Variants in DCAF8L2 observed in about 807,000 individuals in gnomAD.
DCAF8L2 encodes DDB1 and CUL4 associated factor 8 like 2, also known as DDB1- and CUL4-associated factor 8-like protein 2.
For synonymous variants in DCAF8L2, 200 were observed against 190.9 expected, an observed-to-expected ratio of 1.05 and a Z score of -0.39; for missense variants, 430 against 490.7, an observed-to-expected ratio of 0.88 and a Z score of 1.17.
intron 3 of DCAF8L2, among the ~76,000 whole-genome samples, chrX:27,686,427 G>T (rs1313808043): frequency 9.0e-6 from 1 of 110,751 alleles, no homozygotes. Flanking sequence ...CCTTTCATTT[G>T]CAGCAACATG....
At chrX:27,587,985 A>ATATAT (rs1555915915), upstream of DCAF8L2, among the ~76,000 whole-genome samples, 7 of 22,360 alleles carry the variant, frequency 3.1e-4, no homozygotes, top group African/African-American at 3.9e-4. Flanking sequence ...TAAAAAAAAA[A>ATATAT]ATATATATAT....
At chrX:27,481,277 C>G in the DCAF8L2 span, among the ~76,000 whole-genome samples, 2 of 110,618 alleles carry the variant, frequency 1.8e-5, no homozygotes, top group African/African-American at 6.6e-5. Flanking sequence ...ACTCAGGAGG[C>G]TGAGGCAGGA....
At chrX:27,587,985 A>AAAAAAATATATATATAT, upstream of DCAF8L2, among the ~76,000 whole-genome samples, 14 of 22,354 alleles carry the variant, frequency 6.3e-4, no homozygotes, top group African/African-American at 1.2e-3. Flanking sequence ...TAAAAAAAAA[A>AAAAAAATATATATATAT]ATATATATAT....
chrX:27,606,358 A>ATATATATATATATATATATATATAT (rs1911511591), intron 1 of DCAF8L2, among the ~76,000 whole-genome samples: 1 of 39,781 alleles, frequency 2.5e-5, no homozygotes, highest in African/African-American at 1.9e-4. Flanking sequence ...TATATCTAGG[A>ATATATATATATATATATATATATAT]ATATATATAT....
chrX:27,551,932 C>A, the DCAF8L2 span, among the ~76,000 whole-genome samples: 1 of 112,062 alleles, frequency 8.9e-6, no homozygotes, highest in Non-Finnish European at 1.9e-5. Flanking sequence ...GATGGCTATA[C>A]TAATTTATAT....
At chrX:27,511,288 C>T in the DCAF8L2 span, among the ~76,000 whole-genome samples, 200 of 110,972 alleles carry the variant, frequency 1.8e-3, no homozygotes, top group Non-Finnish European at 3.1e-3. Flanking sequence ...AGCAGTTTCC[C>T]TTTGCAAAGG....
chrX:27,493,249 T>G, the DCAF8L2 span, among the ~76,000 whole-genome samples: 5 of 110,793 alleles, frequency 4.5e-5, no homozygotes, highest in South Asian at 1.5e-3. Flanking sequence ...TAAAATAAAT[T>G]AAATTAAATT....
At chrX:27,517,565 C>T in the DCAF8L2 span, among the ~76,000 whole-genome samples, 1 of 110,270 alleles carries the variant, frequency 9.1e-6, no homozygotes, top group Non-Finnish European at 1.9e-5. Flanking sequence ...TTCCCTGGAC[C>T]AAAAGAAAAA....
chrX:27,694,106 G>C (rs191608321), intron 3 of DCAF8L2, among the ~76,000 whole-genome samples: 2 of 111,593 alleles, frequency 1.8e-5, no homozygotes, highest in Admixed American at 1.9e-4. Flanking sequence ...AATTAATGTA[G>C]GAACAGAAAA....
At chrX:27,518,854 T>A in the DCAF8L2 span, 1 of 550,472 alleles carries the variant, frequency 1.8e-6, no homozygotes, top group South Asian at 2.5e-5. Context: ...TGATGACAAG[T>A]TGACATCTAA....
At chrX:27,491,930 A>G in the DCAF8L2 span, among the ~76,000 whole-genome samples, 1 of 112,414 alleles carries the variant, frequency 8.9e-6, no homozygotes. Flanking sequence ...TACAATTTAC[A>G]TAGCAAAAAA....
the DCAF8L2 span, among the ~76,000 whole-genome samples, chrX:27,528,501 T>TATATATAC: frequency 2.6e-4 from 26 of 100,241 alleles, no homozygotes; most frequent in South Asian, 4.0e-3. Context: ...TATATATATA[T>TATATATAC]ACACACACAC....
intron 4 of DCAF8L2, among the ~76,000 whole-genome samples, chrX:27,731,626 A>G (rs2147319081): frequency 9.1e-6 from 1 of 110,326 alleles, no homozygotes; most frequent in Admixed American, 9.7e-5. Context: ...ACCTCATCTG[A>G]CTCGAATCAC....
the DCAF8L2 span, among the ~76,000 whole-genome samples, chrX:27,498,782 C>G: frequency 2.7e-5 from 3 of 112,168 alleles, no homozygotes; most frequent in Non-Finnish European, 5.6e-5. Flanking sequence ...TTAGATTCCA[C>G]ATATAAATGG....
upstream of DCAF8L2, among the ~76,000 whole-genome samples, chrX:27,590,015 C>T (rs12015037): frequency 0.087 from 9,705 of 111,472 alleles, 810 homozygotes; most frequent in African/African-American, 0.27. Context: ...TTCTTGAAAG[C>T]AATGATTAGT....
the DCAF8L2 span, among the ~76,000 whole-genome samples, chrX:27,488,515 C>T: frequency 7.4e-4 from 56 of 75,185 alleles, no homozygotes; most frequent in African/African-American, 2.9e-3. Context: ...CCAAAATTAC[C>T]TCTGTGTGTG....
chrX:27,630,686 ATTC>A (rs1569165959), intron 1 of DCAF8L2, among the ~76,000 whole-genome samples: 8 of 112,226 alleles, frequency 7.1e-5, no homozygotes, highest in African/African-American at 2.6e-4. Context: ...AGTGGGGTTT[ATTC>A]ATCATAGTCT....
intron 2 of DCAF8L2, among the ~76,000 whole-genome samples, chrX:27,635,229 T>C (rs1277411993): frequency 8.9e-6 from 1 of 111,762 alleles, no homozygotes; most frequent in Non-Finnish European, 1.9e-5. Context: ...GAGATACTTT[T>C]ACTTAGTCAA....
At chrX:27,576,780 A>G in the DCAF8L2 span, among the ~76,000 whole-genome samples, 1 of 112,311 alleles carries the variant, frequency 8.9e-6, no homozygotes, top group African/African-American at 3.2e-5. Context: ...TTAAAAATAC[A>G]TTAAGCTTAT....
Sources: allele counts gnomAD v4.1 joint callset (sites outside exome capture counted in the v4.1 genomes callset), GRCh38; gene constraint gnomAD v4.1.1; transcripts MANE v1.5; gene names NCBI Gene and HGNC (gene_info 2026-07-23, HGNC 2026-07-21).